Variants in OSBPL6 observed in about 807,000 individuals in gnomAD.
OSBPL6 encodes the protein oxysterol-binding protein-related protein 6.
OSBPL6 carries 49 observed loss-of-function variants against 125.8 expected under a neutral mutation model. The ratio of observed to expected loss-of-function variants is 0.39; its 90% CI spans 0.31 to 0.49. The LOEUF (loss-of-function observed/expected upper bound fraction) is 0.49. OSBPL6 is among the 20% of genes least tolerant of loss of function. The probability of loss-of-function intolerance (pLI) is 0.88; values close to 1 mark genes in which losing one functional copy is unlikely to be tolerated. For missense variants in OSBPL6, 986 were observed against 1,135.4 expected, an observed-to-expected ratio of 0.87 and a Z score of 1.89; for synonymous variants, 394 against 391.8, an observed-to-expected ratio of 1.01 and a Z score of -0.07.
At chr2:178,334,999 G>A (rs1210016950) in intron 8 of OSBPL6, among the ~76,000 whole-genome samples, 2 of 152,162 alleles carry the variant, frequency 1.3e-5, no homozygotes, top group African/African-American at 4.8e-5. Context: ...GCCCAAGATA[G>A]TGCCGAGTTT....
At chr2:178,273,708 A>G (rs1467046189) in intron 1 of OSBPL6, among the ~76,000 whole-genome samples, 1 of 152,238 alleles carries the variant, frequency 6.6e-6, no homozygotes, top group East Asian at 1.9e-4. Context: ...ATACAACTGC[A>G]GTATTTATAA....
At chr2:178,217,914 A>G (rs334027) in intron 1 of OSBPL6, among the ~76,000 whole-genome samples, 4,475 of 152,284 alleles carry the variant, frequency 0.029, 200 homozygotes, top group African/African-American at 0.1. Context: ...GGTTTTCATG[A>G]AAAGGAAAAC....
chr2:178,349,511 T>C (rs1231641302), intron 12 of OSBPL6, 122 bp downstream of exon 12: 3 of 1,203,478 alleles, frequency 2.5e-6, no homozygotes, highest in Non-Finnish European at 3.4e-6. Context: ...GATATAGTGG[T>C]TGAAGTTCTA....
chr2:178,264,974 C>G (rs1265623518), intron 1 of OSBPL6, among the ~76,000 whole-genome samples: 1 of 151,804 alleles, frequency 6.6e-6, no homozygotes, highest in Middle Eastern at 3.2e-3. Flanking sequence ...TCTGCAGCCT[C>G]CAACTCCTGG....
Position 178,387,051 on chromosome 2 carries a change from T to C in OSBPL6, c.2078-10T>C. The C allele has an allele frequency of 7.0e-6, 11 of 1,576,960 alleles. No homozygotes were observed. The highest frequency in any genetic ancestry group is 9.6e-6 in the Non-Finnish European group (11 of 1,146,892). On this transcript the variant is annotated splice_polypyrimidine_tract_variant and intron_variant, in intron 19 of 24. Coordinates refer to ENST00000190611, the MANE Select transcript of OSBPL6 (RefSeq NM_032523.4). Reference sequence around the variant, plus strand: ...GTATGTATTTCTTGTCCTCTCCCTATGTCATTTAGATATCAGATGGAAAAA... The same window carrying C: ...GTATGTATTTCTTGTCCTCTCCCTACGTCATTTAGATATCAGATGGAAAAA...
intron 12 of OSBPL6, among the ~76,000 whole-genome samples, chr2:178,350,950 G>T (rs1691199759): frequency 6.6e-6 from 1 of 152,142 alleles, no homozygotes; most frequent in African/African-American, 2.4e-5. Context: ...GGCTTCTGTT[G>T]AATGATACAT....
chr2:178,274,969 C>T (rs1325354479), intron 1 of OSBPL6, among the ~76,000 whole-genome samples: 2 of 151,894 alleles, frequency 1.3e-5, no homozygotes, highest in East Asian at 1.9e-4. Flanking sequence ...GTCTCTGAAG[C>T]GCACTCCTAG....
At chr2:178,199,590 T>C (rs557596057) in intron 1 of OSBPL6, among the ~76,000 whole-genome samples, 1 of 152,138 alleles carries the variant, frequency 6.6e-6, no homozygotes, top group Admixed American at 6.5e-5. Flanking sequence ...AAGGGTTTTT[T>C]TTTTTTTTTT....
In OSBPL6 at chr2:178,374,012, T is replaced by C. The variant is rs1231878825; in HGVS notation, c.1518T>C (p.Ser506=). The C allele has an allele frequency of 6.2e-7, 1 of 1,613,936 alleles. No homozygotes were observed. The highest frequency in any genetic ancestry group is 2.2e-5 in the East Asian group (1 of 44,896). Residue 506 remains serine (S), a synonymous_variant, in exon 15 of 25, where the codon AGT becomes AGC. Coordinates refer to ENST00000190611, the MANE Select transcript of OSBPL6 (RefSeq NM_032523.4). ...CCCAAGAGGTGCTCCTCTCTGCAAG[T>C]TCGTCAGAGAATGAGGTATGTATGC... The part of the protein sequence containing the change: ...FDAQEVLLSA[S]SSENEASDDE...
chr2:178,392,300 T>A (rs866967707), intron 22 of OSBPL6, 112 bp from the exon 23 acceptor site: 10 of 1,262,836 alleles, frequency 7.9e-6, no homozygotes, highest in Admixed American at 2.2e-5. Flanking sequence ...TAATCTTGTG[T>A]TTATGACTAC....
intron 13 of OSBPL6, among the ~76,000 whole-genome samples, chr2:178,363,134 A>G (rs1692506133): frequency 1.3e-5 from 2 of 152,234 alleles, no homozygotes; most frequent in Non-Finnish European, 2.9e-5. Context: ...AGATGTATTT[A>G]ATGATGGAGG....
intron 1 of OSBPL6, among the ~76,000 whole-genome samples, chr2:178,276,131 T>C (rs2092464346): frequency 6.6e-6 from 1 of 152,202 alleles, no homozygotes; most frequent in African/African-American, 2.4e-5. Flanking sequence ...ACGATCATCA[T>C]AATTCATGAG....
At chr2:178,244,387 T>G (rs939541977) in intron 1 of OSBPL6, among the ~76,000 whole-genome samples, 2 of 152,234 alleles carry the variant, frequency 1.3e-5, no homozygotes, top group African/African-American at 4.8e-5. Flanking sequence ...GCTATTTATT[T>G]AATACTTTAA....
At chr2:178,217,996 C>T (rs771462415) in intron 1 of OSBPL6, among the ~76,000 whole-genome samples, 3 of 152,126 alleles carry the variant, frequency 2.0e-5, no homozygotes, top group Non-Finnish European at 4.4e-5. Flanking sequence ...CAGTGGTTGG[C>T]AGGTTCAATA....
chr2:178,334,200 C>T (rs925288727), intron 8 of OSBPL6, among the ~76,000 whole-genome samples: 2 of 152,202 alleles, frequency 1.3e-5, no homozygotes, highest in African/African-American at 4.8e-5. Flanking sequence ...CTGCACTGCG[C>T]AGGGGTGCTC....
chr2:178,276,579 C>CTTG (rs2092473999), intron 1 of OSBPL6, among the ~76,000 whole-genome samples: 1 of 151,754 alleles, frequency 6.6e-6, no homozygotes, highest in Non-Finnish European at 1.5e-5. Context: ...CACCATGTTG[C>CTTG]CCAGGCTGGT....
At chr2:178,258,884 G>GT (rs1338333674) in intron 1 of OSBPL6, among the ~76,000 whole-genome samples, 4 of 151,402 alleles carry the variant, frequency 2.6e-5, no homozygotes, top group East Asian at 1.9e-4. Flanking sequence ...TAAACGTCTG[G>GT]TTTTTTTTAA....
intron 3 of OSBPL6, among the ~76,000 whole-genome samples, chr2:178,314,228 C>T (rs1276102858): frequency 1.3e-5 from 2 of 152,178 alleles, no homozygotes; most frequent in African/African-American, 4.8e-5. Context: ...CAAAAATGTT[C>T]TAATTTCTAA....
intron 1 of OSBPL6, among the ~76,000 whole-genome samples, chr2:178,275,961 C>T (rs1199615041): frequency 1.3e-5 from 2 of 152,148 alleles, no homozygotes; most frequent in African/African-American, 4.8e-5. Flanking sequence ...GGTCACAGAG[C>T]TAGTAAGTCA....
Sources: allele counts gnomAD v4.1 joint callset (sites outside exome capture counted in the v4.1 genomes callset), GRCh38; gene constraint gnomAD v4.1.1; transcripts MANE v1.5; gene names NCBI Gene and HGNC (gene_info 2026-07-23, HGNC 2026-07-21).